RAB35: variants seen among roughly 807,000 people sequenced by gnomAD.
RAB35 encodes ras-related protein Rab-35.
In RAB35, 4 loss-of-function variants were observed where a neutral mutation model predicts 28.9. That is an observed-to-expected ratio of 0.14 (90% CI 0.07 to 0.32). RAB35 has a LOEUF of 0.32. RAB35 is among the 10% of genes least tolerant of loss of function. RAB35 has a pLI of 1.00. For missense variants in RAB35, 128 were observed against 274.0 expected (o/e 0.47, Z 3.76); for synonymous variants, 99 against 105.1 (o/e 0.94, Z 0.35).
intron 2 of RAB35, among the ~76,000 whole-genome samples, chr12:120,107,693 C>A (rs556602456): frequency 6.6e-6 from 1 of 151,836 alleles, no homozygotes; most frequent in South Asian, 2.1e-4. Context: ...ATGGTGAAAC[C>A]CCATCTCTAT....
At chr12:120,112,080 G>T (rs529421983) in intron 1 of RAB35, among the ~76,000 whole-genome samples, 1 of 151,708 alleles carries the variant, frequency 6.6e-6, no homozygotes, top group Non-Finnish European at 1.5e-5. Context: ...AGATTCAAGC[G>T]ATTCTCTTGC....
At chr12:120,099,201 AC>A in intron 3 of RAB35, 47 bp from the exon 4 acceptor site, 2 of 1,610,940 alleles carry the variant, frequency 1.2e-6, no homozygotes, top group Non-Finnish European at 1.7e-6. Flanking sequence ...GACAGGAGTC[AC>A]CCCCTTGCCG....
At chr12:120,097,406 G>A in intron 5 of RAB35, 33 bp from the exon 6 acceptor site, 3 of 1,580,780 alleles carry the variant, frequency 1.9e-6, no homozygotes, top group Non-Finnish European at 2.6e-6. Flanking sequence ...GCCCGCCTCA[G>A]ACCTGGCCAG....
chr12:120,105,051 T>C (rs1875814870), intron 2 of RAB35, among the ~76,000 whole-genome samples: 1 of 152,072 alleles, frequency 6.6e-6, no homozygotes, highest in Non-Finnish European at 1.5e-5. Context: ...GCTATAACAG[T>C]GCAGGAGACA....
chr12:120,116,720 G>C lies in RAB35; in HGVS notation c.-70C>G. On this transcript the variant is annotated 5_prime_UTR_variant, in exon 1 of 6. Coordinates refer to ENST00000229340, the MANE Select transcript of RAB35 (RefSeq NM_006861.7). Reference sequence around the variant, plus strand: ...CCTCGCGATCCGCAGCTCCCTTCGGGCTGCTCCGGCAGCGGCGGATCCACT... The same window carrying C: ...CCTCGCGATCCGCAGCTCCCTTCGGCCTGCTCCGGCAGCGGCGGATCCACT... The C allele has an allele frequency of 8.3e-7, 1 of 1,211,816 alleles. No individual in the cohort carries two copies. Among genetic ancestry groups the C allele is most frequent in the Non-Finnish European group, 1.0e-6 (1 of 974,602 alleles). The allele number at this position is 1,211,816 out of a possible 1,614,324, so 75.1% of individuals were successfully genotyped here. A position where few individuals can be genotyped will look rare whatever the true frequency, so the allele number is the denominator to read the frequency against.
Position 120,096,135 on chromosome 12 carries a change from C to A in RAB35, c.*1110G>T. ...CTGTCCATGGTCCCCACCCAGAGGC[C>A]CCAGGCATGCACTCCCCACAGTGCC... is the stretch of plus-strand genomic sequence containing the variant. On this transcript the variant is annotated 3_prime_UTR_variant, in exon 6 of 6. Transcript: ENST00000229340. 2 of 302,210 alleles carry A rather than the reference C, an allele frequency of 6.6e-6. No individual in the cohort carries two copies. Among genetic ancestry groups the A allele is most frequent in the Non-Finnish European group, 1.3e-5 (2 of 155,470 alleles). The allele number at this position is 302,210 out of a possible 1,614,324, so 18.7% of individuals were successfully genotyped here.
At chr12:120,101,138 A>C (rs1695625424) in intron 3 of RAB35, among the ~76,000 whole-genome samples, 1 of 152,202 alleles carries the variant, frequency 6.6e-6, no homozygotes, top group Non-Finnish European at 1.5e-5. Context: ...GAGGAACCGG[A>C]GCACCGACGT....
chr12:120,106,403 A>T (rs1566285418), intron 2 of RAB35, among the ~76,000 whole-genome samples: 1 of 152,158 alleles, frequency 6.6e-6, no homozygotes, highest in African/African-American at 2.4e-5. Flanking sequence ...AAGGACCATT[A>T]TGATTTCTAC....
At chr12:120,102,875 C>T (rs374327146) in intron 3 of RAB35, among the ~76,000 whole-genome samples, 6 of 152,292 alleles carry the variant, frequency 3.9e-5, no homozygotes, top group African/African-American at 1.4e-4. Context: ...GCCAGACAGC[C>T]GCCCCTCACT....
intron 3 of RAB35, among the ~76,000 whole-genome samples, chr12:120,102,088 C>T (rs997060783): frequency 6.6e-6 from 1 of 152,182 alleles, no homozygotes; most frequent in African/African-American, 2.4e-5. Flanking sequence ...GCGCCACCTG[C>T]CCAGTCGATG....
intron 2 of RAB35, among the ~76,000 whole-genome samples, chr12:120,106,173 T>G (rs921660616): frequency 6.6e-6 from 1 of 152,064 alleles, no homozygotes; most frequent in African/African-American, 2.4e-5. Flanking sequence ...CAACAAGCCC[T>G]CCAAGCACTG....
At position 120,097,118 on chromosome 12, in the gene RAB35, G is replaced by A. The variant is rs55784061; in HGVS notation, c.*127C>T. ...GGAGGAAGTGCCGATGGCACCTCCCGATACAAAAACATGGAGAGAATTCTT... is the reference window on the plus strand; with the variant it reads ...GGAGGAAGTGCCGATGGCACCTCCCAATACAAAAACATGGAGAGAATTCTT... On this transcript the variant is annotated 3_prime_UTR_variant, in exon 6 of 6. Transcript: ENST00000229340. 1.1e-3 allele frequency: 1,717 copies of A among 1,599,666 alleles called. 15 individuals are homozygous for A. In the African/African-American group the frequency reaches 0.018, roughly 17 times the overall value.
rs780257654 is a variant in RAB35 at position 120,114,774 on chromosome 12, T to C, written c.52+1825A>G. Among the ~76,000 whole-genome samples the C allele has an allele frequency of 8.7e-4, 133 of 152,316 alleles. 1 individual carries two copies. The highest frequency in any genetic ancestry group is 2.0e-3 in the Admixed American group (30 of 15,288). On this transcript the variant is annotated intron_variant, in intron 1 of 5. Transcript: ENST00000229340. ...ACTGTGAGAAAGCGGGCCAAACCCATCCCCTGGGCTTTACAGAGGAGAAGA... is the reference window on the plus strand; with the variant it reads ...ACTGTGAGAAAGCGGGCCAAACCCACCCCCTGGGCTTTACAGAGGAGAAGA...
chr12:120,108,281 T>C, intron 2 of RAB35, 136 bp downstream of exon 2: 2 of 887,158 alleles, frequency 2.3e-6, no homozygotes, highest in Admixed American at 2.3e-5. Flanking sequence ...CCCCACTCCA[T>C]CTTCTTCCCT....
At chr12:120,112,343 T>C (rs1876153194) in intron 1 of RAB35, among the ~76,000 whole-genome samples, 1 of 152,120 alleles carries the variant, frequency 6.6e-6, no homozygotes, top group African/African-American at 2.4e-5. Flanking sequence ...CCCTTCCTCC[T>C]GCTCCTGCCT....
In RAB35 at chr12:120,096,809, A is replaced by T. The variant is rs961470266; in HGVS notation, c.*436T>A. On this transcript the variant is annotated 3_prime_UTR_variant, in exon 6 of 6. Transcript: ENST00000229340. ...GCACGGGCTGGCCGCAGACGCAGCT[A>T]GAACGTGCCGCTGTCTCCTCAGGAC... 1 of 1,291,762 alleles carries T rather than the reference A, an allele frequency of 7.7e-7. No individual in the cohort carries two copies. The highest frequency in any genetic ancestry group is 1.5e-5 in the African/African-American group (1 of 66,002). The allele number at this position is 1,291,762 out of a possible 1,614,324, so 80.0% of individuals were successfully genotyped here.
intron 1 of RAB35, among the ~76,000 whole-genome samples, chr12:120,114,860 G>A (rs1301183148): frequency 6.6e-6 from 1 of 152,236 alleles, no homozygotes; most frequent in Non-Finnish European, 1.5e-5. Flanking sequence ...TCAACGCAGA[G>A]GTCCAGATGT....
At chr12:120,113,613 T>TA (rs1876211010) in intron 1 of RAB35, among the ~76,000 whole-genome samples, 1 of 152,090 alleles carries the variant, frequency 6.6e-6, no homozygotes, top group Non-Finnish European at 1.5e-5. Context: ...GGTCAGGAGA[T>TA]AGAGACCATA....
chr12:120,108,804 C>T (rs1379799924), intron 1 of RAB35: 8 of 455,128 alleles, frequency 1.8e-5, no homozygotes, highest in Middle Eastern at 5.0e-4. Flanking sequence ...GTCAACCACA[C>T]GAAACGGCCC....
Sources: gnomAD v4.1 joint callset for allele counts (sites outside exome capture counted in the v4.1 genomes callset) on GRCh38, gnomAD v4.1.1 for gene constraint, MANE v1.5 for transcripts, NCBI Gene and HGNC (gene_info 2026-07-23, HGNC 2026-07-21) for gene names.